IPO11: variants seen among roughly 807,000 people sequenced by gnomAD.
IPO11 encodes the protein importin-11.
IPO11 carries 66 observed loss-of-function variants against 143.2 expected under a neutral mutation model. The ratio of observed to expected loss-of-function variants is 0.46; its 90% CI spans 0.38 to 0.57. The LOEUF (loss-of-function observed/expected upper bound fraction) is 0.57, where lower values mean the gene tolerates loss of function less well. Among genes scored for constraint, IPO11 ranks in the 20% least tolerant of loss-of-function variants. The pLI is 0.00. For missense variants in IPO11, 1,026 were observed against 1,141.0 expected, an observed-to-expected ratio of 0.90 and a Z score of 1.45; for synonymous variants, 385 against 377.8, an observed-to-expected ratio of 1.02 and a Z score of -0.22.
chr5:62,565,074 T>C (rs1450855069), intron 27 of IPO11, among the ~76,000 whole-genome samples: 1 of 152,222 alleles, frequency 6.6e-6, no homozygotes, highest in Non-Finnish European at 1.5e-5. Context: ...ATCCCCTTCT[T>C]TTTCTCATCT....
chr5:62,547,864 A>G (rs1743258425), intron 24 of IPO11, among the ~76,000 whole-genome samples: 1 of 152,096 alleles, frequency 6.6e-6, no homozygotes, highest in East Asian at 1.9e-4. Context: ...AGAATTTTAT[A>G]TGACATAGTT....
intron 10 of IPO11, 132 bp downstream of exon 10, chr5:62,483,425 A>G (rs1195221138): frequency 4.0e-5 from 25 of 617,320 alleles, no homozygotes; most frequent in Non-Finnish European, 6.6e-5. Context: ...TGAAAAAGAT[A>G]TAAGGATTAT....
chr5:62,479,645 T>A (rs1746108836), intron 9 of IPO11, among the ~76,000 whole-genome samples: 1 of 152,200 alleles, frequency 6.6e-6, no homozygotes, highest in African/African-American at 2.4e-5. Flanking sequence ...TGGTGTGAGA[T>A]GGTATCTCAT....
intron 5 of IPO11, among the ~76,000 whole-genome samples, chr5:62,462,598 A>G (rs1745401097): frequency 1.3e-5 from 2 of 152,088 alleles, no homozygotes; most frequent in African/African-American, 4.8e-5. Context: ...TGGTACACTC[A>G]TAGCTCACTG....
intron 28 of IPO11, among the ~76,000 whole-genome samples, chr5:62,598,159 A>G (rs1745296522): frequency 1.3e-5 from 2 of 152,090 alleles, no homozygotes; most frequent in African/African-American, 2.4e-5. Flanking sequence ...GCTGAAAGTA[A>G]TCATTGACCA....
At chr5:62,463,840 T>A (rs926542285) in intron 5 of IPO11, among the ~76,000 whole-genome samples, 2 of 151,702 alleles carry the variant, frequency 1.3e-5, no homozygotes, top group Admixed American at 6.6e-5. Flanking sequence ...TTTTTTTTTT[T>A]AATGACAGAG....
rs1342184015 is a variant in IPO11 at position 62,435,112 on chromosome 5, ATATATG to A, written c.-6-2156_-6-2151del. 3.4e-3 allele frequency among the ~76,000 whole-genome samples: 265 copies of A among 78,366 alleles called. 8 individuals carry two copies. The highest frequency in any genetic ancestry group is 0.014 in the East Asian group (33 of 2,320). The allele number at this position is 78,366 out of a possible 152,430, so 51.4% of individuals were successfully genotyped here. On this transcript the variant is annotated intron_variant, in intron 1 of 29. Coordinates refer to ENST00000325324, the MANE Select transcript of IPO11 (RefSeq NM_016338.5). The stretch of plus-strand genomic sequence containing the variant: ...TATATGTATATATGTATATATATGT[ATATATG>A]TATATATGTATATATATGTATATAT...
intron 20 of IPO11, among the ~76,000 whole-genome samples, chr5:62,522,063 T>A (rs1376962291): frequency 1.3e-5 from 2 of 152,204 alleles, no homozygotes; most frequent in Non-Finnish European, 2.9e-5. Context: ...AACATTTTAA[T>A]CATATCTGTT....
intron 9 of IPO11, among the ~76,000 whole-genome samples, chr5:62,480,693 T>C (rs929257666): frequency 1.3e-5 from 2 of 152,164 alleles, no homozygotes; most frequent in Non-Finnish European, 2.9e-5. Flanking sequence ...TTATTCTCTT[T>C]GTAGCAGTTG....
intron 1 of IPO11, among the ~76,000 whole-genome samples, chr5:62,426,079 A>G (rs1743729263): frequency 6.6e-6 from 1 of 152,160 alleles, no homozygotes; most frequent in Admixed American, 6.5e-5. Context: ...ACAAATCCAG[A>G]TAATATGACA....
At chr5:62,608,963 T>G (rs1233558314) in intron 29 of IPO11, among the ~76,000 whole-genome samples, 2 of 152,212 alleles carry the variant, frequency 1.3e-5, no homozygotes, top group East Asian at 1.9e-4. Flanking sequence ...TCCATCGTTT[T>G]GTCTTTTCTG....
intron 21 of IPO11, among the ~76,000 whole-genome samples, chr5:62,530,441 T>C (rs1742507480): frequency 6.6e-6 from 1 of 152,240 alleles, no homozygotes; most frequent in African/African-American, 2.4e-5. Flanking sequence ...TAAGTGGACC[T>C]ACTCAGTGTA....
intron 20 of IPO11, among the ~76,000 whole-genome samples, chr5:62,518,374 G>A (rs1219430432): frequency 1.3e-5 from 2 of 151,974 alleles, no homozygotes; most frequent in Non-Finnish European, 2.9e-5. Flanking sequence ...AACCTGAGAG[G>A]CGGAGGCTGT....
intron 27 of IPO11, among the ~76,000 whole-genome samples, chr5:62,569,197 T>TTC (rs1580334954): frequency 6.6e-6 from 1 of 152,158 alleles, no homozygotes; most frequent in East Asian, 1.9e-4. Flanking sequence ...GCAAACTTCC[T>TTC]TCTCTCTCTC....
intron 27 of IPO11, among the ~76,000 whole-genome samples, chr5:62,583,251 A>G (rs1744636378): frequency 3.9e-5 from 6 of 152,028 alleles, no homozygotes; most frequent in Admixed American, 3.9e-4. Flanking sequence ...ATTGGGAAAA[A>G]ATTTAAACAG....
intron 22 of IPO11, among the ~76,000 whole-genome samples, chr5:62,535,335 T>C (rs1227699713): frequency 6.6e-6 from 1 of 152,118 alleles, no homozygotes; most frequent in Non-Finnish European, 1.5e-5. Context: ...CTCTTAAATA[T>C]AGACCCTTGG....
chr5:62,559,489 T>C (rs1349251418), intron 26 of IPO11, among the ~76,000 whole-genome samples: 1 of 152,152 alleles, frequency 6.6e-6, no homozygotes, highest in African/African-American at 2.4e-5. Context: ...ATTAAGTTTA[T>C]GTAATATTCT....
In IPO11 at chr5:62,608,416, A is replaced by G. The variant is rs948697244; in HGVS notation, c.2763+6568A>G. On this transcript the variant is annotated intron_variant, in intron 29 of 29. Coordinates refer to ENST00000325324, the MANE Select transcript of IPO11 (RefSeq NM_016338.5). ...GCTTCACATGTTCTTTTGGTATATA[A>G]CCAGGGTTGAAAACCACTAGAATAA... is the stretch of plus-strand genomic sequence containing the variant. Among the ~76,000 whole-genome samples the G allele has an allele frequency of 3.9e-5, 6 of 152,224 alleles. 1 individual carries two copies. Among genetic ancestry groups the G allele is most frequent in the African/African-American group, 1.4e-4 (6 of 41,468 alleles).
intron 5 of IPO11, 63 bp downstream of exon 5, chr5:62,451,996 T>C (rs1561316629): frequency 5.3e-6 from 7 of 1,332,558 alleles, no homozygotes; most frequent in South Asian, 4.8e-5. Flanking sequence ...TGGTGGCTTA[T>C]GCCTGTAATC....
Sources: allele counts gnomAD v4.1 joint callset (sites outside exome capture counted in the v4.1 genomes callset), GRCh38; gene constraint gnomAD v4.1.1; transcripts MANE v1.5; gene names NCBI Gene and HGNC (gene_info 2026-07-23, HGNC 2026-07-21).